The following CSMD1 variants were observed in gnomAD, a reference collection of about 807,000 sequenced individuals.
CSMD1 encodes CUB and Sushi multiple domains 1, also known as CUB and sushi domain-containing protein 1.
In CSMD1, 213 loss-of-function variants were observed where a neutral mutation model predicts 417.5. The observed-to-expected ratio is 0.51, with a 90% CI of 0.46 to 0.57. The LOEUF is 0.57. Among genes scored for constraint, CSMD1 ranks in the 20% least tolerant of loss-of-function variants. The probability of loss-of-function intolerance (pLI) is 0.00; values close to 1 mark genes in which losing one functional copy is unlikely to be tolerated. For missense variants in CSMD1, 6,923 were observed against 4,529.7 expected, an observed-to-expected ratio of 1.53 and a Z score of -15.17; for synonymous variants, 2,862 against 1,736.8, an observed-to-expected ratio of 1.65 and a Z score of -16.11.
chr8:4,928,085 C>G (rs1467904181), intron 1 of CSMD1, among the ~76,000 whole-genome samples: 4 of 152,170 alleles, frequency 2.6e-5, no homozygotes, highest in African/African-American at 7.2e-5. Flanking sequence ...TCTCTGAGCT[C>G]CATTCTTAGC....
chr8:4,320,208 C>T (rs891560051), intron 3 of CSMD1, among the ~76,000 whole-genome samples: 3 of 152,086 alleles, frequency 2.0e-5, no homozygotes, highest in African/African-American at 7.2e-5. Context: ...TGTGTGATAT[C>T]TCGCATCTAA....
chr8:4,201,758 G>T (rs756844664), intron 3 of CSMD1, among the ~76,000 whole-genome samples: 4 of 151,950 alleles, frequency 2.6e-5, no homozygotes, highest in Admixed American at 6.5e-5. Context: ...ATGGACTCTT[G>T]AGAGTCTATG....
chr8:3,742,991 T>TA lies in CSMD1; in HGVS notation c.931+10938dup, dbSNP rs148171810. On this transcript the variant is annotated intron_variant, in intron 6 of 69. Coordinates refer to ENST00000635120, the MANE Select transcript of CSMD1 (RefSeq NM_033225.6). ...CAGACTACACAACTAGTGGAAGCAG[T>TA]AAAATCCACGCCACCCTTGGAACAT... Among the ~76,000 whole-genome samples the TA allele has an allele frequency of 4.5e-3, 693 of 152,318 alleles. 21 individuals carry two copies. The East Asian group carries it at 0.076, about 17-fold the overall frequency.
intron 5 of CSMD1, among the ~76,000 whole-genome samples, chr8:3,786,400 G>T (rs6991444): frequency 0.31 from 46,556 of 151,848 alleles, 7,324 homozygotes; most frequent in Non-Finnish European, 0.33. Flanking sequence ...GAAGAGGATC[G>T]AACAAGAGTT....
chr8:3,966,022 G>A (rs911555468), intron 5 of CSMD1, among the ~76,000 whole-genome samples: 3 of 152,192 alleles, frequency 2.0e-5, no homozygotes, highest in Non-Finnish European at 2.9e-5. Context: ...ATTTTAGAAA[G>A]AAGCAGAAGA....
chr8:3,812,281 T>G (rs1269148470), intron 5 of CSMD1, among the ~76,000 whole-genome samples: 2 of 152,144 alleles, frequency 1.3e-5, no homozygotes, highest in Non-Finnish European at 2.9e-5. Flanking sequence ...TTGTTTTTGG[T>G]GGGGACTCTA....
chr8:4,639,586 T>A (rs958538752), intron 1 of CSMD1, among the ~76,000 whole-genome samples: 5 of 152,204 alleles, frequency 3.3e-5, no homozygotes, highest in Non-Finnish European at 5.9e-5. Context: ...GTTTTGACAC[T>A]AAAAATATTG....
At chr8:4,244,184 G>T (rs769573426) in intron 3 of CSMD1, among the ~76,000 whole-genome samples, 3 of 152,148 alleles carry the variant, frequency 2.0e-5, no homozygotes, top group African/African-American at 7.2e-5. Flanking sequence ...TGGTAGAACC[G>T]TTTAGGCTTA....
chr8:4,036,391 G>T (rs903010972), intron 3 of CSMD1, among the ~76,000 whole-genome samples: 1 of 152,156 alleles, frequency 6.6e-6, no homozygotes, highest in East Asian at 1.9e-4. Context: ...TTTTCCAGCA[G>T]TGTAGAAATG....
rs367982465 is a variant in CSMD1, at chr8:3,320,835, A to G, written c.3632-12332T>C. ...GCCTGCAGAGCGAGGGCGCAGGGTC[A>G]TCCTGCCTATGGGGATACAACGCCT... On this transcript the variant is annotated intron_variant, in intron 23 of 69. Transcript: ENST00000635120. 4.6e-5 allele frequency among the ~76,000 whole-genome samples: 7 copies of G among 152,326 alleles called. No homozygotes were observed. The East Asian group carries it at 5.8e-4, about 13-fold the overall frequency.
At chr8:4,198,307 C>T (rs1311341052) in intron 3 of CSMD1, among the ~76,000 whole-genome samples, 19 of 152,250 alleles carry the variant, frequency 1.2e-4, no homozygotes, top group Admixed American at 9.8e-4. Flanking sequence ...GCAGCAGGGG[C>T]TGGCAAGCCC....
intron 2 of CSMD1, among the ~76,000 whole-genome samples, chr8:4,459,492 T>G (rs1194402986): frequency 6.6e-6 from 1 of 152,320 alleles, no homozygotes; most frequent in Middle Eastern, 3.4e-3. Context: ...AATCCAAGGT[T>G]GCTCTCAAAA....
chr8:4,396,380 T>G (rs139134796), intron 3 of CSMD1, among the ~76,000 whole-genome samples: 1 of 151,694 alleles, frequency 6.6e-6, no homozygotes, highest in East Asian at 1.9e-4. Context: ...GGCAGGAGGA[T>G]TGCTTGAGCC....
At chr8:3,302,180 G>C (rs1182575032) in intron 25 of CSMD1, among the ~76,000 whole-genome samples, 1 of 152,124 alleles carries the variant, frequency 6.6e-6, no homozygotes, top group Non-Finnish European at 1.5e-5. Context: ...TGAGGAGTTG[G>C]GAACACGTGA....
intron 2 of CSMD1, among the ~76,000 whole-genome samples, chr8:4,461,161 A>G (rs542273074): frequency 0.019 from 555 of 28,682 alleles, 2 homozygotes; most frequent in Non-Finnish European, 0.037. Flanking sequence ...TGATTGTCTT[A>G]CCAGATAAAA....
chr8:3,511,822 CA>C (rs1173324058), intron 10 of CSMD1, among the ~76,000 whole-genome samples: 10 of 137,380 alleles, frequency 7.3e-5, no homozygotes, highest in Non-Finnish European at 1.6e-4. Context: ...CATAACATAA[CA>C]ATAAATAAAA....
intron 3 of CSMD1, among the ~76,000 whole-genome samples, chr8:4,358,111 A>C (rs975419237): frequency 1.3e-5 from 2 of 152,200 alleles, no homozygotes; most frequent in African/African-American, 4.8e-5. Context: ...ATGATCAGCC[A>C]ATTTAATTTA....
At chr8:3,471,677 C>T in intron 11 of CSMD1, among the ~76,000 whole-genome samples, 1 of 149,474 alleles carries the variant, frequency 6.7e-6, no homozygotes, top group Non-Finnish European at 1.5e-5. Context: ...TCCCTCCCTC[C>T]CTTCCTTCCT....
At chr8:4,282,695 A>G (rs80299940) in intron 3 of CSMD1, among the ~76,000 whole-genome samples, 3,803 of 152,308 alleles carry the variant, frequency 0.025, 58 homozygotes, top group Non-Finnish European at 0.028. Flanking sequence ...CTGTGACAGC[A>G]TCCTAACAAC....
Sources: allele counts gnomAD v4.1 joint callset (sites outside exome capture counted in the v4.1 genomes callset), GRCh38; gene constraint gnomAD v4.1.1; transcripts MANE v1.5; gene names NCBI Gene and HGNC (gene_info 2026-07-23, HGNC 2026-07-21).